CHD9: variants seen among roughly 807,000 people sequenced by gnomAD.
CHD9 encodes the protein ATP-dependent chromatin remodeler CHD9.
A neutral mutation model predicts 316.1 loss-of-function variants in CHD9; 77 were observed. The observed-to-expected ratio is 0.24, with a 90% CI of 0.20 to 0.29. CHD9 has a LOEUF of 0.29. CHD9 is among the 10% of genes least tolerant of loss of function. CHD9 has a pLI of 1.00. For synonymous variants in CHD9, 1,129 were observed against 1,158.3 expected (o/e 0.97, Z 0.51); for missense variants, 2,763 against 3,438.1 (o/e 0.80, Z 4.91).
chr16:53,255,471 CTT>C, intron 18 of CHD9, 127 bp from the exon 19 acceptor site: 1 of 691,638 alleles, frequency 1.4e-6, no homozygotes, highest in South Asian at 2.0e-5. Flanking sequence ...TGAATTCTCT[CTT>C]ATGCGCATCC....
intron 1 of CHD9, among the ~76,000 whole-genome samples, chr16:53,148,534 C>T (rs931558649): frequency 2.0e-5 from 3 of 152,174 alleles, no homozygotes; most frequent in Non-Finnish European, 4.4e-5. Context: ...ATTTTTTATA[C>T]CATTCCTGGT....
At chr16:53,097,801 T>G (rs1421357765) in intron 1 of CHD9, among the ~76,000 whole-genome samples, 1 of 152,220 alleles carries the variant, frequency 6.6e-6, no homozygotes, top group Non-Finnish European at 1.5e-5. Flanking sequence ...ATTGACGATA[T>G]TATTTTGATT....
intron 1 of CHD9, among the ~76,000 whole-genome samples, chr16:53,079,709 G>A (rs1690326447): frequency 6.6e-6 from 1 of 152,092 alleles, no homozygotes; most frequent in Non-Finnish European, 1.5e-5. Flanking sequence ...GGGGCTGGGG[G>A]TGCAATGCTG....
At chr16:53,260,913 G>A (rs2051023482) in intron 19 of CHD9, among the ~76,000 whole-genome samples, 1 of 151,982 alleles carries the variant, frequency 6.6e-6, no homozygotes, top group Non-Finnish European at 1.5e-5. Flanking sequence ...TCTATTTCAA[G>A]GTCCTTAACT....
intron 1 of CHD9, among the ~76,000 whole-genome samples, chr16:53,096,056 ATTT>A (rs534002075): frequency 1.4e-5 from 2 of 138,602 alleles, no homozygotes; most frequent in Non-Finnish European, 1.6e-5. Flanking sequence ...GACTGTGAAG[ATTT>A]TTTTTTTTTT....
At chr16:53,114,210 G>A (rs2038094427) in intron 1 of CHD9, among the ~76,000 whole-genome samples, 1 of 152,074 alleles carries the variant, frequency 6.6e-6, no homozygotes, top group Non-Finnish European at 1.5e-5. Context: ...TCCATGAAGA[G>A]GATGGAATCT....
intron 1 of CHD9, among the ~76,000 whole-genome samples, chr16:53,089,285 C>CA (rs375954270): frequency 7.9e-5 from 12 of 151,832 alleles, no homozygotes; most frequent in African/African-American, 2.7e-4. Flanking sequence ...GATACTGTCT[C>CA]AAAAAAACAA....
intron 29 of CHD9, 120 bp downstream of exon 29, chr16:53,293,172 A>G: frequency 5.0e-6 from 4 of 805,508 alleles, no homozygotes; most frequent in Non-Finnish European, 7.9e-6. Flanking sequence ...GGTCAAAGCA[A>G]ACTGCTTTGT....
At chr16:53,234,121 G>C (rs575844430) in intron 10 of CHD9, among the ~76,000 whole-genome samples, 1 of 152,070 alleles carries the variant, frequency 6.6e-6, no homozygotes, top group Non-Finnish European at 1.5e-5. Flanking sequence ...AAGTTATTTT[G>C]GATGCTATTA....
intron 29 of CHD9, among the ~76,000 whole-genome samples, chr16:53,294,879 G>A (rs190237191): frequency 3.9e-5 from 6 of 152,274 alleles, no homozygotes; most frequent in African/African-American, 1.4e-4. Context: ...AACATTTGAT[G>A]GCTCCTTATT....
intron 1 of CHD9, among the ~76,000 whole-genome samples, chr16:53,122,630 C>T (rs140124967): frequency 1.5e-4 from 23 of 151,160 alleles, no homozygotes; most frequent in African/African-American, 5.3e-4. Flanking sequence ...CTGCAAACTC[C>T]ACCTCCCAGG....
chr16:53,237,341 T>G (rs1390278960), intron 11 of CHD9, among the ~76,000 whole-genome samples: 2 of 152,148 alleles, frequency 1.3e-5, no homozygotes, highest in Non-Finnish European at 2.9e-5. Flanking sequence ...ACTTTCTCAG[T>G]TACTGTCCCA....
intron 11 of CHD9, among the ~76,000 whole-genome samples, chr16:53,236,839 C>T (rs1476685604): frequency 6.6e-6 from 1 of 152,004 alleles, no homozygotes; most frequent in African/African-American, 2.4e-5. Context: ...GTGACTATTC[C>T]TTTCAATAGT....
chr16:53,149,886 C>T (rs1268053254), intron 1 of CHD9, among the ~76,000 whole-genome samples: 1 of 151,760 alleles, frequency 6.6e-6, no homozygotes, highest in African/African-American at 2.4e-5. Context: ...TTTTTACTTA[C>T]AGTATTTTGT....
At position 53,245,081 on chromosome 16, in the gene CHD9, A is replaced by G. The variant is rs909991067; in HGVS notation, c.3055-255A>G. 1.3e-5 allele frequency among the ~76,000 whole-genome samples: 2 copies of G among 152,034 alleles called. No homozygotes were observed. The highest frequency in any genetic ancestry group is 2.9e-5 in the Non-Finnish European group (2 of 67,994). On this transcript the variant is annotated intron_variant, in intron 13 of 38. Coordinates refer to ENST00000447540, the MANE Select transcript of CHD9 (RefSeq NM_001308319.2). This position sits in a 1 kb window ranked among gnomAD's most constrained non-coding sequence, Gnocchi z 4.1. ...CAGTGGCACCACTGTAATTTATTCT[A>G]ATCATTGTAATTATGTTGTATGTGT...
chr16:53,279,434 A>G (rs543751160), intron 24 of CHD9, among the ~76,000 whole-genome samples: 16 of 152,212 alleles, frequency 1.1e-4, no homozygotes, highest in African/African-American at 3.9e-4. Flanking sequence ...TGGGTGCAGT[A>G]CACCAACATG....
At position 53,231,676 on chromosome 16, in the gene CHD9, C is replaced by T. The variant is rs2048187927; in HGVS notation, c.2403C>T (p.Cys801=). The change falls in exon 10 of 39, where the codon TGC becomes TGT. Residue 801 remains cysteine (C), a synonymous_variant. Coordinates refer to ENST00000447540, the MANE Select transcript of CHD9 (RefSeq NM_001308319.2). ...EPVIYYLVKW[C]SLPYEDSTWE... ...TTATTTACTACTTAGTAAAATGGTG[C>T]TCATTGCCATATGAAGATAGTACTT... The T allele has an allele frequency of 2.5e-6, 4 of 1,600,872 alleles. No homozygotes were observed. The highest frequency in any genetic ancestry group is 3.4e-6 in the Non-Finnish European group (4 of 1,173,362).
chr16:53,216,355 T>C (rs567685874), intron 3 of CHD9, among the ~76,000 whole-genome samples: 1 of 152,278 alleles, frequency 6.6e-6, no homozygotes, highest in East Asian at 1.9e-4. Context: ...TAGAGATTTC[T>C]GATTTTATGA....
intron 2 of CHD9, among the ~76,000 whole-genome samples, chr16:53,178,059 G>C (rs1195133925): frequency 2.0e-5 from 3 of 152,194 alleles, no homozygotes; most frequent in Non-Finnish European, 2.9e-5. Flanking sequence ...GGCTCAGGCA[G>C]GTTCTGCAAG....
Sources: allele counts gnomAD v4.1 joint callset (sites outside exome capture counted in the v4.1 genomes callset), GRCh38; gene constraint gnomAD v4.1.1; non-coding constraint Gnocchi (gnomAD v3.1); transcripts MANE v1.5; gene names NCBI Gene and HGNC (gene_info 2026-07-23, HGNC 2026-07-21).